CRACD: variants seen among roughly 807,000 people sequenced by gnomAD.
CRACD encodes capping protein inhibiting regulator of actin dynamics.
Under a neutral mutation model 106.8 loss-of-function variants are expected in CRACD, and 56 were observed. That is an observed-to-expected ratio of 0.52 (90% CI 0.42 to 0.66). The LOEUF (loss-of-function observed/expected upper bound fraction) is 0.66, where lower values mean the gene tolerates loss of function less well. CRACD is among the 30% of genes least tolerant of loss of function. The pLI is 0.00. For synonymous variants in CRACD, 754 were observed against 670.8 expected, an observed-to-expected ratio of 1.12 and a Z score of -1.92; for missense variants, 1,730 against 1,623.2, an observed-to-expected ratio of 1.07 and a Z score of -1.13.
chr4:56,183,260 TAA>T (rs869120084), intron 2 of CRACD, among the ~76,000 whole-genome samples: 22 of 141,120 alleles, frequency 1.6e-4, no homozygotes, highest in African/African-American at 5.2e-4. Flanking sequence ...TAAAATAAAA[TAA>T]AATAAAATAA....
intron 1 of CRACD, among the ~76,000 whole-genome samples, chr4:56,146,251 G>A (rs192833168): frequency 2.9e-3 from 434 of 151,906 alleles, no homozygotes; most frequent in African/African-American, 9.4e-3. Context: ...AAAGGCATTC[G>A]TTTTATTATT....
At chr4:56,199,069 G>A (rs1331189977) in intron 2 of CRACD, among the ~76,000 whole-genome samples, 1 of 152,044 alleles carries the variant, frequency 6.6e-6, no homozygotes, top group African/African-American at 2.4e-5. Context: ...TGACAGCTTG[G>A]TGCATATACA....
At chr4:56,226,748 A>G (rs1219087127) in intron 2 of CRACD, among the ~76,000 whole-genome samples, 1 of 151,870 alleles carries the variant, frequency 6.6e-6, no homozygotes, top group African/African-American at 2.4e-5. Context: ...AAGGTGAGTG[A>G]GTTCGCTATT....
chr4:56,161,370 G>A (rs1307781352), intron 1 of CRACD, among the ~76,000 whole-genome samples: 3 of 152,064 alleles, frequency 2.0e-5, no homozygotes, highest in Non-Finnish European at 4.4e-5. Flanking sequence ...ATGTAATTTG[G>A]AGCTTGAGAA....
chr4:56,152,626 G>A (rs1489539600), intron 1 of CRACD, among the ~76,000 whole-genome samples: 2 of 152,006 alleles, frequency 1.3e-5, no homozygotes, highest in Admixed American at 1.3e-4. Flanking sequence ...TTGCACCCAG[G>A]AGTTCAAGGG....
intron 2 of CRACD, among the ~76,000 whole-genome samples, chr4:56,262,895 A>G (rs1436109617): frequency 6.6e-6 from 1 of 152,238 alleles, no homozygotes. Context: ...GGGTCTGAAT[A>G]TACCTGTATA....
intron 2 of CRACD, among the ~76,000 whole-genome samples, chr4:56,262,955 G>A (rs1741793668): frequency 6.6e-6 from 1 of 152,192 alleles, no homozygotes; most frequent in Non-Finnish European, 1.5e-5. Context: ...TAAGGGAAGA[G>A]GGAATGGTAG....
At chr4:56,052,777 G>A (rs1290631594) in intron 1 of CRACD, among the ~76,000 whole-genome samples, 1 of 151,976 alleles carries the variant, frequency 6.6e-6, no homozygotes. Context: ...AGTTCTCTCT[G>A]ATCCCAAAGC....
chr4:56,222,033 T>C (rs559507871), intron 2 of CRACD, among the ~76,000 whole-genome samples: 1 of 152,344 alleles, frequency 6.6e-6, no homozygotes, highest in East Asian at 1.9e-4. Flanking sequence ...GCAATCCCAC[T>C]ACTGGCTATC....
chr4:56,054,250 GGCT>G (rs1251643240), intron 1 of CRACD, among the ~76,000 whole-genome samples: 10 of 152,100 alleles, frequency 6.6e-5, no homozygotes, highest in African/African-American at 2.4e-4. Context: ...ATGTAACCAT[GGCT>G]CACTGCAGCC....
chr4:56,121,188 AAAC>A (rs1305362697), intron 1 of CRACD, among the ~76,000 whole-genome samples: 4 of 152,224 alleles, frequency 2.6e-5, no homozygotes, highest in Non-Finnish European at 5.9e-5. Context: ...AGTTTAATTA[AAAC>A]AACAATAAAT....
intron 1 of CRACD, among the ~76,000 whole-genome samples, chr4:56,138,812 A>G (rs1326916642): frequency 6.6e-6 from 1 of 152,206 alleles, no homozygotes; most frequent in African/African-American, 2.4e-5. Flanking sequence ...TGACCTAGAA[A>G]ACTGAAAATA....
intron 3 of CRACD, among the ~76,000 whole-genome samples, chr4:56,293,269 G>C (rs1303270844): frequency 6.6e-6 from 1 of 152,076 alleles, no homozygotes; most frequent in Non-Finnish European, 1.5e-5. Flanking sequence ...GAAAAATGGG[G>C]CACAACAGTA....
intron 2 of CRACD, among the ~76,000 whole-genome samples, chr4:56,205,432 C>T (rs1215608613): frequency 6.6e-6 from 1 of 152,024 alleles, no homozygotes; most frequent in Non-Finnish European, 1.5e-5. Context: ...CTGGGATATA[C>T]CTTAAAAGAG....
At position 56,314,541 on chromosome 4, in the gene CRACD, CAGG is replaced by C. The variant is rs980701818; in HGVS notation, c.1050_1052del (p.Glu351del). The C allele has an allele frequency of 2.0e-5, 30 of 1,506,660 alleles. No individual in the cohort carries two copies. The highest frequency in any genetic ancestry group is 4.5e-5 in the Admixed American group (2 of 44,664). 93.3% of individuals were successfully genotyped at this position (1,506,660 alleles called of 1,614,324 possible). ...CGCCAGGCTGGAGGAGCGGAGGCGG[CAGG>C]AGGAGGAGGAAGGAAGATGCGCGGA... On this transcript the variant is annotated inframe_deletion, in exon 8 of 11. Transcript: ENST00000682029. This position sits in a 1 kb window ranked among gnomAD's most constrained non-coding sequence, Gnocchi z 4.4.
intron 2 of CRACD, among the ~76,000 whole-genome samples, chr4:56,264,567 G>T (rs1247766695): frequency 6.6e-6 from 1 of 152,158 alleles, no homozygotes; most frequent in Non-Finnish European, 1.5e-5. Context: ...ATCTGTTCAG[G>T]GATCTGAACA....
chr4:56,167,515 C>G (rs969793269), intron 1 of CRACD, among the ~76,000 whole-genome samples: 27 of 152,208 alleles, frequency 1.8e-4, no homozygotes, highest in African/African-American at 6.5e-4. Flanking sequence ...CAGCATCTGC[C>G]TGTTAGCTCC....
chr4:56,289,784 TGTC>T (rs1743600003), intron 3 of CRACD, among the ~76,000 whole-genome samples: 1 of 152,196 alleles, frequency 6.6e-6, no homozygotes, highest in Non-Finnish European at 1.5e-5. Context: ...GCTCCTTTCT[TGTC>T]GTGATCTAGC....
At chr4:56,293,892 G>T (rs1016897655) in intron 3 of CRACD, among the ~76,000 whole-genome samples, 1 of 151,432 alleles carries the variant, frequency 6.6e-6, no homozygotes, top group African/African-American at 2.4e-5. Context: ...TCTTTTCAAA[G>T]ATGCAGTAAT....
Sources: allele counts gnomAD v4.1 joint callset (sites outside exome capture counted in the v4.1 genomes callset), GRCh38; gene constraint gnomAD v4.1.1; non-coding constraint Gnocchi (gnomAD v3.1); transcripts MANE v1.5; gene names NCBI Gene and HGNC (gene_info 2026-07-23, HGNC 2026-07-21).